TMEM178B: variants seen among roughly 807,000 people sequenced by gnomAD.
TMEM178B encodes the protein transmembrane protein 178B.
In TMEM178B, 5 loss-of-function variants were observed where a neutral mutation model predicts 31.0. That is an observed-to-expected ratio of 0.16 (90% CI 0.08 to 0.34). TMEM178B has a LOEUF of 0.34. Ranked by LOEUF, TMEM178B falls within the 10% of genes least tolerant of loss-of-function variation. TMEM178B has a pLI of 1.00. For missense variants in TMEM178B, 275 were observed against 400.3 expected (o/e 0.69, Z 2.67); for synonymous variants, 164 against 164.0 (o/e 1.00, Z 0.00).
chr7:141,510,911 A>G, the TMEM178B span, among the ~76,000 whole-genome samples: 1 of 152,026 alleles, frequency 6.6e-6, no homozygotes, highest in Non-Finnish European at 1.5e-5. Context: ...GGTACATGGA[A>G]AGGGCATTCA....
intron 1 of TMEM178B, among the ~76,000 whole-genome samples, chr7:141,207,945 T>C (rs1348797008): frequency 2.0e-5 from 3 of 151,998 alleles, no homozygotes; most frequent in African/African-American, 7.3e-5. Context: ...ATCCCAGCAA[T>C]TTAGGAGACT....
At chr7:141,146,660 G>A (rs1795857799) in intron 1 of TMEM178B, among the ~76,000 whole-genome samples, 1 of 152,124 alleles carries the variant, frequency 6.6e-6, no homozygotes, top group African/African-American at 2.4e-5. Context: ...TACTACTAAG[G>A]ATCTTCATAG....
the TMEM178B span, among the ~76,000 whole-genome samples, chr7:141,502,656 G>A: frequency 6.6e-6 from 1 of 152,106 alleles, no homozygotes; most frequent in Non-Finnish European, 1.5e-5. Flanking sequence ...TGTAATCCCA[G>A]CTATTCGGGA....
At chr7:141,374,934 C>T (rs1800186403) in intron 2 of TMEM178B, among the ~76,000 whole-genome samples, 1 of 152,164 alleles carries the variant, frequency 6.6e-6, no homozygotes, top group African/African-American at 2.4e-5. Flanking sequence ...TCTGCATCCT[C>T]TTCAGTATTC....
rs940824353 is a variant in TMEM178B at position 141,472,259 on chromosome 7, G to A, written c.*1473G>A. The A allele has an allele frequency of 3.9e-5, 6 of 152,120 alleles. No individual in the cohort carries two copies. The highest frequency in any genetic ancestry group is 3.3e-4 in the Admixed American group (5 of 15,278). 9.4% of individuals were successfully genotyped at this position (152,120 alleles called of 1,614,324 possible). ...TGGGCTCAAGTTTGTATGATATTGT[G>A]TAAATTAATGCAGAACTCTTGACTC... On this transcript the variant is annotated 3_prime_UTR_variant, in exon 4 of 4. Coordinates refer to ENST00000565468, the MANE Select transcript of TMEM178B (RefSeq NM_001195278.2).
chr7:141,448,445 G>A (rs1236782982), intron 3 of TMEM178B, among the ~76,000 whole-genome samples: 3 of 152,206 alleles, frequency 2.0e-5, no homozygotes, highest in Admixed American at 2.0e-4. Context: ...CAAGGATTCA[G>A]AGAATCTTGG....
chr7:141,388,900 A>G (rs952546637), intron 2 of TMEM178B, among the ~76,000 whole-genome samples: 1 of 136,302 alleles, frequency 7.3e-6, no homozygotes, highest in East Asian at 2.0e-4. Context: ...GGAAGGTGCA[A>G]TGTTACCACT....
chr7:141,489,753 G>A, the TMEM178B span, among the ~76,000 whole-genome samples: 4 of 152,216 alleles, frequency 2.6e-5, no homozygotes, highest in Non-Finnish European at 4.4e-5. Context: ...TGGGAAAGCA[G>A]TTGAGAAAAA....
intron 2 of TMEM178B, among the ~76,000 whole-genome samples, chr7:141,293,165 AAC>A (rs1425358114): frequency 1.3e-5 from 2 of 152,148 alleles, no homozygotes; most frequent in Admixed American, 6.5e-5. Flanking sequence ...TTGGAGATGA[AAC>A]ACACTTGAAA....
chr7:141,253,190 G>T (rs1797863450), intron 2 of TMEM178B, among the ~76,000 whole-genome samples: 1 of 152,154 alleles, frequency 6.6e-6, no homozygotes, highest in South Asian at 2.1e-4. Flanking sequence ...GGCAGTATCT[G>T]CTTCCCCCTT....
At chr7:141,093,769 G>T (rs896696518) in intron 1 of TMEM178B, among the ~76,000 whole-genome samples, 3 of 152,140 alleles carry the variant, frequency 2.0e-5, no homozygotes, top group African/African-American at 7.2e-5. Flanking sequence ...ATATGTTAAG[G>T]AGGAGGAAGT....
rs141529289 is a variant in TMEM178B, at chr7:141,296,617, A to T, written c.496+83913A>T. Among the ~76,000 whole-genome samples the T allele has an allele frequency of 2.6e-3, 393 of 152,292 alleles. 4 individuals carry two copies. Among genetic ancestry groups the T allele is most frequent in the African/African-American group, 9.0e-3 (374 of 41,546 alleles). On this transcript the variant is annotated intron_variant, in intron 2 of 3. Transcript: ENST00000565468. ...TCTTAGAGACCTAGGGTTCTGGCAG[A>T]CTTCTTTTAAAAACTTCTTATTTTG...
intron 2 of TMEM178B, among the ~76,000 whole-genome samples, chr7:141,372,053 A>G (rs1376143525): frequency 6.6e-6 from 1 of 151,982 alleles, no homozygotes; most frequent in East Asian, 1.9e-4. Flanking sequence ...TTTTCAGCAA[A>G]GCTTTACAGA....
chr7:141,334,060 G>A (rs575467840), intron 2 of TMEM178B, among the ~76,000 whole-genome samples: 1 of 152,328 alleles, frequency 6.6e-6, no homozygotes. Flanking sequence ...CAAACCTAGG[G>A]GGAAGAGGCT....
At chr7:141,201,723 A>G (rs997852491) in intron 1 of TMEM178B, among the ~76,000 whole-genome samples, 17 of 152,174 alleles carry the variant, frequency 1.1e-4, no homozygotes, top group African/African-American at 3.1e-4. Flanking sequence ...GAGCACTCTG[A>G]GCTCTCCTTC....
At chr7:141,272,999 G>A (rs1288923873) in intron 2 of TMEM178B, among the ~76,000 whole-genome samples, 6 of 152,140 alleles carry the variant, frequency 3.9e-5, no homozygotes, top group South Asian at 2.1e-4. Flanking sequence ...TAAAGAAAAT[G>A]TAACATATGC....
intron 1 of TMEM178B, among the ~76,000 whole-genome samples, chr7:141,188,395 T>C (rs71543398): frequency 0.02 from 2,985 of 152,348 alleles, 51 homozygotes; most frequent in South Asian, 0.036. Flanking sequence ...GTGAGTATAA[T>C]GCAAGTGTTT....
chr7:141,333,300 G>C (rs1278940912), intron 2 of TMEM178B, among the ~76,000 whole-genome samples: 3 of 152,182 alleles, frequency 2.0e-5, no homozygotes, highest in Non-Finnish European at 4.4e-5. Flanking sequence ...CACTTCCCCA[G>C]CATCAGCCCT....
chr7:141,225,258 A>G (rs2129190381), intron 2 of TMEM178B, among the ~76,000 whole-genome samples: 1 of 151,708 alleles, frequency 6.6e-6, no homozygotes, highest in East Asian at 1.9e-4. Flanking sequence ...CTCCCAAAGG[A>G]CCTCCCTGCT....
Sources: gnomAD v4.1 joint callset for allele counts (sites outside exome capture counted in the v4.1 genomes callset) on GRCh38, gnomAD v4.1.1 for gene constraint, MANE v1.5 for transcripts, NCBI Gene and HGNC (gene_info 2026-07-23, HGNC 2026-07-21) for gene names.